Variants in NEB observed in about 807,000 individuals in gnomAD.
NEB encodes the protein nebulin.
NEB carries 512 observed loss-of-function variants against 952.2 expected under a neutral mutation model. The observed-to-expected ratio is 0.54, with a 90% CI of 0.50 to 0.58. NEB has a LOEUF of 0.58. NEB is among the 20% of genes least tolerant of loss of function. The pLI, the probability that NEB is intolerant of heterozygous loss-of-function variation, is 0.00. For missense variants in NEB, 8,428 were observed against 9,231.1 expected (o/e 0.91, Z 3.56); for synonymous variants, 2,900 against 3,149.8 (o/e 0.92, Z 2.66).
intron 176 of NEB, 77 bp from the exon 177 acceptor site, chr2:151,492,571 G>T: frequency 9.1e-7 from 1 of 1,103,270 alleles, no homozygotes; most frequent in Non-Finnish European, 1.3e-6. Context: ...AGATAGAGAT[G>T]GATAGGAGCT....
chr2:151,733,041 G>T, intron 3 of NEB, 80 bp downstream of exon 3: 1 of 1,282,246 alleles, frequency 7.8e-7, no homozygotes, highest in South Asian at 1.4e-5. Context: ...TGTATTTTTC[G>T]AATGATTAAT....
chr2:151,649,277 C>G (rs765695571), intron 54 of NEB, among the ~76,000 whole-genome samples: 2 of 152,106 alleles, frequency 1.3e-5, no homozygotes, highest in Admixed American at 6.5e-5. Flanking sequence ...TATAAAAAGT[C>G]TGTGAGGGGT....
chr2:151,630,881 T>C, intron 66 of NEB, 62 bp from the exon 67 acceptor site: 1 of 1,407,310 alleles, frequency 7.1e-7, no homozygotes, highest in Non-Finnish European at 9.6e-7. Context: ...AAAAAGTTCA[T>C]TTAAAACTGT....
rs748738174 is a variant in NEB at position 151,677,887 on chromosome 2, T to C, written c.3556A>G (p.Ile1186Val). The change falls in exon 33 of 182, where the codon ATA becomes GTA. Residue 1186 changes from isoleucine (I) to valine (V), a missense_variant. By Grantham distance (29) the Ile-to-Val change is conservative. Around this residue, in one of 11 missense-constraint regions of NEB, gnomAD observed 2,851 missense variants for 2,791.5 expected, o/e 1.02. Transcript: ENST00000397345. ...DLELSKNMMQ[I>V]QSDNVYKEDY... Reference sequence around the variant, plus strand: ...TAAATGACACTTACATCACTCTGTATCTGCATCATGTTCTTAGACAGCTCC... The same window carrying C: ...TAAATGACACTTACATCACTCTGTACCTGCATCATGTTCTTAGACAGCTCC... 1 of 1,610,808 alleles carries C rather than the reference T, an allele frequency of 6.2e-7. No homozygotes were observed. The highest frequency in any genetic ancestry group is 1.3e-5 in the African/African-American group (1 of 74,776).
chr2:151,645,140 T>C (rs1233781149), intron 55 of NEB, among the ~76,000 whole-genome samples: 3 of 152,258 alleles, frequency 2.0e-5, no homozygotes, highest in African/African-American at 7.2e-5. Context: ...AGTGCATGTC[T>C]ATACTTGCAA....
chr2:151,524,476 G>A, intron 152 of NEB, 39 bp downstream of exon 152: 2 of 1,612,216 alleles, frequency 1.2e-6, no homozygotes, highest in Non-Finnish European at 1.7e-6. Flanking sequence ...CCTTGGCAAT[G>A]GCTGTTGGGG....
At position 151,499,811 on chromosome 2, in the gene NEB, C is replaced by T. The variant is rs188311818; in HGVS notation, c.24022-421G>A. ...ATCTATGCAATATGGCAATTTGGTC[C>T]TTGTCATTAAGTTCAAGTTGTTGTA... On this transcript the variant is annotated intron_variant, in intron 168 of 181. Transcript: ENST00000397345. Among the ~76,000 whole-genome samples the T allele has an allele frequency of 3.3e-5, 5 of 152,214 alleles. No homozygotes were observed. In the East Asian group the frequency reaches 9.6e-4, roughly 29 times the overall value.
At position 151,531,045 on chromosome 2, in the gene NEB, G is replaced by A. The variant is rs372877088; in HGVS notation, c.21579C>T (p.His7193=). The change falls in exon 145 of 182, where the codon CAC becomes CAT. Residue 7193 remains histidine (H), a synonymous_variant. Transcript: ENST00000397345. ...KAKPRGYTTI[H]DTPMLLHVRK... ...GGACATGCAGCAACATGGGTGTGTCGTGGATTGTGGTGTAGCCTCTGGGTT... is the reference window on the plus strand; with the variant it reads ...GGACATGCAGCAACATGGGTGTGTCATGGATTGTGGTGTAGCCTCTGGGTT... 3.2e-4 allele frequency: 518 copies of A among 1,613,528 alleles called. No homozygotes were observed. The highest frequency in any genetic ancestry group is 1.0e-3 in the South Asian group (93 of 90,972).
intron 143 of NEB, 46 bp from the exon 144 acceptor site, chr2:151,531,942 G>A (rs1025696141): frequency 1.6e-6 from 2 of 1,241,886 alleles, no homozygotes; most frequent in East Asian, 4.9e-5. Flanking sequence ...TTGTAGAGTG[G>A]GCTTTAAGGT....
chr2:151,673,730 T>TTC (rs1308665176), intron 36 of NEB, among the ~76,000 whole-genome samples: 6 of 128,892 alleles, frequency 4.7e-5, no homozygotes, highest in African/African-American at 1.6e-4. Flanking sequence ...ATTTTTCTTT[T>TTC]TCTTTTTTTT....
intron 136 of NEB, 134 bp downstream of exon 136, chr2:151,541,313 T>C: frequency 1.6e-6 from 1 of 611,580 alleles, no homozygotes; most frequent in Non-Finnish European, 2.9e-6. Context: ...CTTCTTCAAG[T>C]GCAGTGTTAA....
intron 88 of NEB, among the ~76,000 whole-genome samples, chr2:151,601,517 T>C (rs2097538102): frequency 9.9e-6 from 1 of 100,852 alleles, no homozygotes; most frequent in Admixed American, 1.1e-4. Context: ...AAAACAACCA[T>C]ATAACTATTT....
At chr2:151,550,382 G>C (rs979132115) in intron 129 of NEB, among the ~76,000 whole-genome samples, 5 of 151,384 alleles carry the variant, frequency 3.3e-5, no homozygotes, top group Admixed American at 2.6e-4. Context: ...AGGTAACCAA[G>C]TTTCACCTCT....
chr2:151,707,486 T>A (rs1300494382), intron 12 of NEB, among the ~76,000 whole-genome samples: 2 of 151,216 alleles, frequency 1.3e-5, no homozygotes, highest in African/African-American at 2.4e-5. Context: ...CAACTGTGCA[T>A]GGAGCACACA....
At position 151,696,707 on chromosome 2, in the gene NEB, G is replaced by C. The variant is rs1314455003; in HGVS notation, c.1499C>G (p.Thr500Arg). Residue 500 changes from threonine to arginine, a missense_variant, in exon 17 of 182, where the codon ACA (threonine) becomes AGA (arginine). By Grantham distance (71) the Thr-to-Arg change is moderately conservative (BLOSUM62 -1). Transcript: ENST00000397345. Reference protein sequence around the residue: ...DHTYKVHPDKTKFTQVTDSPV... With the variant: ...DHTYKVHPDKRKFTQVTDSPV... ...AGAGTCTGTAACTTGGGTGAATTTT[G>C]TCTTATCTGGATGGACTTTGTAGGT... The C allele has an allele frequency of 1.2e-6, 2 of 1,613,692 alleles. No homozygotes were observed. The highest frequency in any genetic ancestry group is 2.7e-5 in the African/African-American group (2 of 74,914).
intron 30 of NEB, 75 bp downstream of exon 30, chr2:151,680,655 G>T: frequency 9.2e-7 from 1 of 1,086,394 alleles, no homozygotes; most frequent in Non-Finnish European, 1.4e-6. Context: ...AACTAGAGGT[G>T]ATCAGTACAT....
At chr2:151,639,734 G>T in intron 62 of NEB, 123 bp downstream of exon 62, 1 of 781,792 alleles carries the variant, frequency 1.3e-6, no homozygotes, top group Non-Finnish European at 2.0e-6. Context: ...GAAGCCAATA[G>T]ATACATAGAC....
At chr2:151,632,392 C>T (rs1015198307) in intron 65 of NEB, among the ~76,000 whole-genome samples, 4 of 150,690 alleles carry the variant, frequency 2.7e-5, no homozygotes, top group African/African-American at 9.7e-5. Context: ...AGAATGAAAA[C>T]AGGACAGGTG....
At chr2:151,536,391 A>G (rs563860152) in intron 141 of NEB, among the ~76,000 whole-genome samples, 36 of 152,320 alleles carry the variant, frequency 2.4e-4, no homozygotes, top group Non-Finnish European at 2.8e-4. Flanking sequence ...TTATTTCTAT[A>G]TATTATAATT....
Sources: allele counts gnomAD v4.1 joint callset (sites outside exome capture counted in the v4.1 genomes callset), GRCh38; gene constraint gnomAD v4.1.1; regional missense constraint gnomAD v4.1.1; transcripts MANE v1.5; gene names NCBI Gene and HGNC (gene_info 2026-07-23, HGNC 2026-07-21).